Variants in ZNF550 observed in about 807,000 individuals in gnomAD.
The protein encoded by ZNF550 is zinc finger protein 550.
ZNF550 carries 42 observed loss-of-function variants against 40.2 expected under a neutral mutation model. The ratio of observed to expected loss-of-function variants is 1.05; its 90% CI spans 0.82 to 1.35. The LOEUF (loss-of-function observed/expected upper bound fraction) is 1.35, where lower values mean the gene tolerates loss of function less well. Among genes scored for constraint, ZNF550 ranks in the 40% most tolerant of loss-of-function variants. The pLI is 0.00. For synonymous variants in ZNF550, 223 were observed against 198.6 expected, an observed-to-expected ratio of 1.12 and a Z score of -1.03; for missense variants, 549 against 525.2, an observed-to-expected ratio of 1.05 and a Z score of -0.44.
exon 4 of ZNF550, chr19:57,546,601 T>C: frequency 3.0e-6 from 3 of 1,010,750 alleles, no homozygotes; most frequent in Admixed American, 5.1e-5. Flanking sequence ...CTTTTCATTA[T>C]GATTCTCAGA....
chr19:57,556,011 G>T, intron 2 of ZNF550: 1 of 521,382 alleles, frequency 1.9e-6, no homozygotes, highest in Non-Finnish European at 3.4e-6. Flanking sequence ...ATGCAATCTT[G>T]ATTAAGGACC....
intron 3 of ZNF550, among the ~76,000 whole-genome samples, chr19:57,550,163 C>A (rs1465476486): frequency 1.3e-5 from 2 of 152,170 alleles, no homozygotes; most frequent in African/African-American, 2.4e-5. Context: ...CATGAAGTGG[C>A]CAGCATCGCA....
At position 57,544,715 on chromosome 19, in the gene ZNF550, G is replaced by A. The variant is rs113721107; in HGVS notation, c.*519-1472C>T. 3.1e-3 allele frequency: 1,796 copies of A among 571,444 alleles called. 33 individuals carry two copies. The African/African-American group carries it at 0.034, about 11-fold the overall frequency. 35.4% of individuals were successfully genotyped at this position (571,444 alleles called of 1,614,324 possible). A position where few individuals can be genotyped will look rare whatever the true frequency, so the allele number is the denominator to read the frequency against. On this transcript the variant is annotated intron_variant, in intron 4 of 4. Transcript: ENST00000457177. ...TATATGCAGTGCTTTAAAAGGTTGT[G>A]AGGAAAGCTCAAAGTGAGAAAATGA... is the stretch of plus-strand genomic sequence containing the variant.
At chr19:57,559,704 C>A in exon 1 of ZNF550, 1 of 1,477,706 alleles carries the variant, frequency 6.8e-7, no homozygotes, top group Non-Finnish European at 9.0e-7. Context: ...CAGGACGAGG[C>A]CGCGTGGGGC....
At chr19:57,561,115 T>C (rs1372335496), upstream of ZNF550, among the ~76,000 whole-genome samples, 3 of 152,150 alleles carry the variant, frequency 2.0e-5, no homozygotes, top group Non-Finnish European at 4.4e-5. The surrounding 1 kb of genome is among the most constrained non-coding windows in gnomAD (Gnocchi z 4.9). Flanking sequence ...TTATTTTGGG[T>C]TTTCTGTTAT....
At chr19:57,543,779 T>C in intron 4 of ZNF550, 1 of 422,402 alleles carries the variant, frequency 2.4e-6, no homozygotes, top group Non-Finnish European at 3.2e-6. Flanking sequence ...CTACTAAAAA[T>C]ACAAAAAAAC....
chr19:57,549,541 C>T (rs957858660), intron 3 of ZNF550, among the ~76,000 whole-genome samples: 1 of 152,162 alleles, frequency 6.6e-6, no homozygotes, highest in African/African-American at 2.4e-5. Flanking sequence ...AAAAAGAGAT[C>T]ATGGAAGGCT....
intron 4 of ZNF550, chr19:57,544,632 A>G (rs2089992283): frequency 1.0e-6 from 1 of 984,558 alleles, no homozygotes; most frequent in Non-Finnish European, 1.2e-6. Flanking sequence ...AATTCTATTT[A>G]TAATATGTGC....
intron 4 of ZNF550, chr19:57,546,361 A>T (rs2123337908): frequency 2.3e-6 from 1 of 426,456 alleles, no homozygotes; most frequent in Admixed American, 6.4e-5. Context: ...AAAAAAAAAA[A>T]AGGAATAAAA....
intron 3 of ZNF550, among the ~76,000 whole-genome samples, chr19:57,551,196 G>T (rs139060834): frequency 6.6e-6 from 1 of 152,110 alleles, no homozygotes; most frequent in South Asian, 2.1e-4. Context: ...GTATGAGACC[G>T]TGCAGATGAA....
At chr19:57,544,345 G>A (rs1408166769) in intron 4 of ZNF550, 2 of 985,316 alleles carry the variant, frequency 2.0e-6, no homozygotes, top group Non-Finnish European at 2.4e-6. Context: ...TTATCCCATG[G>A]AAAACACTCC....
Position 57,547,089 on chromosome 19 carries a change from G to T in ZNF550, c.1155C>A (p.Tyr385Ter). Residue 385 changes from tyrosine to a stop codon, truncating the protein, a stop_gained, in exon 4 of 5, where the codon TAC (tyrosine) becomes TAA (stop). Coordinates refer to ENST00000457177, the Ensembl canonical transcript of ZNF550. LOFTEE classifies it high-confidence loss of function. ...TGTGGATGACAGAGTGCTGAATGAGGTACGTGCTCCGGTGAAAGGCTTTCC... is the reference window on the plus strand; with the variant it reads ...TGTGGATGACAGAGTGCTGAATGAGTTACGTGCTCCGGTGAAAGGCTTTCC... 9 of 1,611,436 alleles carry T rather than the reference G, an allele frequency of 5.6e-6. No individual in the cohort carries two copies. Among genetic ancestry groups the T allele is most frequent in the Non-Finnish European group, 7.6e-6 (9 of 1,178,916 alleles).
In ZNF550 at chr19:57,548,142, C is replaced by G. The variant is rs565932780; in HGVS notation, c.251-149G>C. On this transcript the variant is annotated intron_variant, in intron 3 of 4. Transcript: ENST00000457177. ...CATCTCTAACCCAGGTTACCAAATA[C>G]TGCTTACGGTCCTTGTATCCTTGAC... The G allele has an allele frequency of 4.8e-5, 36 of 755,366 alleles. No homozygotes were observed. The East Asian group carries it at 8.3e-4, about 17-fold the overall frequency. 46.8% of individuals were successfully genotyped at this position (755,366 alleles called of 1,614,324 possible).
chr19:57,546,612 T>C (rs927117921), exon 4 of ZNF550: 43 of 1,018,380 alleles, frequency 4.2e-5, no homozygotes, highest in Non-Finnish European at 4.8e-5. Flanking sequence ...GATTCTCAGA[T>C]AGTAAGATTT....
chr19:57,542,385 C>CTGA (rs2089968172), exon 5 of ZNF550: 1 of 150,558 alleles, frequency 6.6e-6, no homozygotes, highest in African/African-American at 2.5e-5. Context: ...GAACATAATA[C>CTGA]TGATGACCTT....
chr19:57,545,286 A>T (rs932193421), intron 4 of ZNF550, among the ~76,000 whole-genome samples: 1 of 152,232 alleles, frequency 6.6e-6, no homozygotes, highest in Non-Finnish European at 1.5e-5. Flanking sequence ...AATGTTTATA[A>T]GATCAGACAA....
chr19:57,549,426 C>T (rs2090053266), intron 3 of ZNF550, among the ~76,000 whole-genome samples: 1 of 151,972 alleles, frequency 6.6e-6, no homozygotes, highest in Non-Finnish European at 1.5e-5. Flanking sequence ...GCCTGGGCAA[C>T]AAGAGCAAAA....
At chr19:57,557,832 C>T (rs1245737470) in intron 1 of ZNF550, among the ~76,000 whole-genome samples, 1 of 152,218 alleles carries the variant, frequency 6.6e-6, no homozygotes, top group Non-Finnish European at 1.5e-5. Flanking sequence ...ATGACGATGT[C>T]ACATGATCTC....
exon 4 of ZNF550, chr19:57,546,875 G>C (rs1236590133): frequency 2.7e-6 from 4 of 1,455,780 alleles, no homozygotes; most frequent in South Asian, 1.6e-5. Context: ...GACATTCTTT[G>C]CATTCGAAGG....
Sources: allele counts gnomAD v4.1 joint callset (sites outside exome capture counted in the v4.1 genomes callset), GRCh38; gene constraint gnomAD v4.1.1; non-coding constraint Gnocchi (gnomAD v3.1); transcripts MANE v1.5; gene names NCBI Gene and HGNC (gene_info 2026-07-23, HGNC 2026-07-21).